The following IL1RAP variants were observed in gnomAD, a reference collection of about 807,000 sequenced individuals.
IL1RAP encodes interleukin 1 receptor accessory protein, also known as interleukin-1 receptor accessory protein.
IL1RAP carries 35 observed loss-of-function variants against 60.7 expected under a neutral mutation model. The ratio of observed to expected loss-of-function variants is 0.58; its 90% CI spans 0.44 to 0.76. IL1RAP has a LOEUF of 0.76. Ranked by LOEUF, IL1RAP falls within the 30% of genes least tolerant of loss-of-function variation. The probability of loss-of-function intolerance (pLI) is 0.00; values close to 1 mark genes in which losing one functional copy is unlikely to be tolerated. For missense variants in IL1RAP, 572 were observed against 693.9 expected (o/e 0.82, Z 1.97); for synonymous variants, 268 against 250.9 (o/e 1.07, Z -0.64).
chr3:190,611,372 C>T (rs1452293980), intron 5 of IL1RAP, among the ~76,000 whole-genome samples: 2 of 152,146 alleles, frequency 1.3e-5, no homozygotes, highest in African/African-American at 2.4e-5. Flanking sequence ...CATTGAACTG[C>T]AGCATGAATA....
At position 190,649,147 on chromosome 3, in the gene IL1RAP, A is replaced by G. The variant is rs1199028330; in HGVS notation, c.*442A>G. The G allele has an allele frequency of 6.1e-6, 6 of 987,264 alleles. No individual in the cohort carries two copies. Among genetic ancestry groups the G allele is most frequent in the Non-Finnish European group, 7.2e-6 (6 of 831,228 alleles). The allele number at this position is 987,264 out of a possible 1,614,324, so 61.2% of individuals were successfully genotyped here. A position where few individuals can be genotyped will look rare whatever the true frequency, so the allele number is the denominator to read the frequency against. On this transcript the variant is annotated 3_prime_UTR_variant, in exon 12 of 12. Coordinates refer to ENST00000447382, the MANE Select transcript of IL1RAP (RefSeq NM_002182.4). ...TTATTTTTACTCGTCCGTTGAAAAGATAATCAAGGCCTACATTTTAGCTGA... is the reference window on the plus strand; with the variant it reads ...TTATTTTTACTCGTCCGTTGAAAAGGTAATCAAGGCCTACATTTTAGCTGA...
At chr3:190,544,209 T>G (rs958703715) in intron 1 of IL1RAP, among the ~76,000 whole-genome samples, 1 of 152,192 alleles carries the variant, frequency 6.6e-6, no homozygotes, top group Non-Finnish European at 1.5e-5. Flanking sequence ...CTTACTCCTT[T>G]TATCATTGGA....
downstream of IL1RAP, chr3:190,656,207 G>T: frequency 2.0e-6 from 3 of 1,537,226 alleles, no homozygotes; most frequent in Non-Finnish European, 1.7e-6. Context: ...AGTTCTGGCT[G>T]GAATGAGAGC....
intron 5 of IL1RAP, among the ~76,000 whole-genome samples, chr3:190,617,727 T>G (rs566445062): frequency 6.6e-6 from 1 of 152,328 alleles, no homozygotes; most frequent in South Asian, 2.1e-4. Context: ...TTATTATGTT[T>G]AAAATTATCC....
chr3:190,532,256 T>C (rs149320510), intron 1 of IL1RAP, among the ~76,000 whole-genome samples: 20 of 147,880 alleles, frequency 1.4e-4, no homozygotes, highest in African/African-American at 4.8e-4. Flanking sequence ...CATATAATCA[T>C]CTTTCTTTTT....
chr3:190,645,828 G>A lies in IL1RAP; in HGVS notation c.1331G>A (p.Ser444Asn). The change falls in exon 11 of 12, where the codon AGT becomes AAT. Residue 444 changes from serine to asparagine, a missense_variant. Ser to Asn is a conservative substitution (Grantham distance 46). Coordinates refer to ENST00000447382, the MANE Select transcript of IL1RAP (RefSeq NM_002182.4). Reference sequence around the variant, plus strand: ...AAGCTGTGCATCTTTGACCGAGACAGTCTGCCTGGGGGAAGTAGGTATTTC... The same window carrying A: ...AAGCTGTGCATCTTTGACCGAGACAATCTGCCTGGGGGAAGTAGGTATTTC... ...GYKLCIFDRD[S>N]LPGGIVTDET... The A allele has an allele frequency of 6.2e-7, 1 of 1,613,330 alleles. No individual in the cohort carries two copies. Among genetic ancestry groups the A allele is most frequent in the South Asian group, 1.1e-5 (1 of 90,964 alleles).
chr3:190,586,846 A>T (rs1216383659), intron 3 of IL1RAP, among the ~76,000 whole-genome samples: 1 of 151,600 alleles, frequency 6.6e-6, no homozygotes, highest in Non-Finnish European at 1.5e-5. Flanking sequence ...ATATAGTGAC[A>T]CTCTCTAATT....
At chr3:190,535,879 G>A (rs995998190) in intron 1 of IL1RAP, among the ~76,000 whole-genome samples, 6 of 152,152 alleles carry the variant, frequency 3.9e-5, no homozygotes, top group African/African-American at 1.2e-4. Context: ...CAAGGATCGT[G>A]TTTTAACTGT....
At chr3:190,640,626 G>C (rs1192347118) in intron 9 of IL1RAP, among the ~76,000 whole-genome samples, 1 of 152,146 alleles carries the variant, frequency 6.6e-6, no homozygotes, top group East Asian at 1.9e-4. Context: ...ATTTAGTTGG[G>C]ACATGCAGTG....
chr3:190,594,415 C>T (rs1729204420), intron 3 of IL1RAP, among the ~76,000 whole-genome samples: 1 of 152,224 alleles, frequency 6.6e-6, no homozygotes, highest in Non-Finnish European at 1.5e-5. Flanking sequence ...CTCATTCTTA[C>T]CGTTCATTAT....
chr3:190,520,880 G>A (rs1721960154), intron 1 of IL1RAP, among the ~76,000 whole-genome samples: 1 of 152,160 alleles, frequency 6.6e-6, no homozygotes, highest in African/African-American at 2.4e-5. Flanking sequence ...TCCTTTCGTT[G>A]ATAGCAGTTT....
intron 5 of IL1RAP, among the ~76,000 whole-genome samples, chr3:190,613,063 C>G (rs1453038987): frequency 6.7e-6 from 1 of 148,652 alleles, no homozygotes; most frequent in African/African-American, 2.6e-5. Flanking sequence ...AGAATTTCTA[C>G]TCTTATCAAA....
intron 3 of IL1RAP, among the ~76,000 whole-genome samples, chr3:190,592,399 G>C (rs991787367): frequency 1.8e-4 from 27 of 152,178 alleles, no homozygotes; most frequent in African/African-American, 6.0e-4. Flanking sequence ...CAGCAGGAAG[G>C]GTGGCTGCTG....
chr3:190,603,089 G>A lies in IL1RAP; in HGVS notation c.65-1039G>A, dbSNP rs1010898209. ...TTTTCATTATAAAGAATAAATTATA[G>A]AAGCCATTACGCACAAGGACAGTGC... On this transcript the variant is annotated intron_variant, in intron 3 of 11. Transcript: ENST00000447382. Among the ~76,000 whole-genome samples, 81 of 152,014 alleles carry A rather than the reference G, an allele frequency of 5.3e-4. 1 individual carries two copies. The highest frequency in any genetic ancestry group is 2.0e-3 in the African/African-American group (81 of 41,442).
intron 1 of IL1RAP, among the ~76,000 whole-genome samples, chr3:190,519,413 G>A (rs1053328591): frequency 6.6e-6 from 1 of 151,868 alleles, no homozygotes; most frequent in African/African-American, 2.4e-5. Context: ...ATTATTATTT[G>A]CCTTTTACAA....
intron 2 of IL1RAP, chr3:190,564,019 T>C: frequency 2.7e-6 from 1 of 374,200 alleles, no homozygotes; most frequent in Non-Finnish European, 5.0e-6. Context: ...AACTTGTCTC[T>C]AGCCAAAGGA....
intron 7 of IL1RAP, 75 bp from the exon 8 acceptor site, chr3:190,627,248 C>T: frequency 7.9e-7 from 1 of 1,270,246 alleles, no homozygotes; most frequent in Non-Finnish European, 1.1e-6. Flanking sequence ...CTAACTTTGT[C>T]TTTGTTTTTT....
intron 9 of IL1RAP, among the ~76,000 whole-genome samples, chr3:190,634,362 C>T (rs942333188): frequency 1.3e-5 from 2 of 149,714 alleles, no homozygotes; most frequent in Non-Finnish European, 3.0e-5. Context: ...GATCTCGGCT[C>T]AGTGCAACCT....
intron 2 of IL1RAP, among the ~76,000 whole-genome samples, chr3:190,563,714 A>T (rs190089013): frequency 1.8e-4 from 28 of 152,340 alleles, no homozygotes; most frequent in Middle Eastern, 3.4e-3. Flanking sequence ...GGTAGATTGC[A>T]GACAAAGTCT....
Sources: allele counts gnomAD v4.1 joint callset (sites outside exome capture counted in the v4.1 genomes callset), GRCh38; gene constraint gnomAD v4.1.1; transcripts MANE v1.5; gene names NCBI Gene and HGNC (gene_info 2026-07-23, HGNC 2026-07-21).